ITPRIP: variants seen among roughly 807,000 people sequenced by gnomAD.
ITPRIP encodes the protein inositol 1,4,5-trisphosphate receptor interacting protein.
ITPRIP carries 32 observed loss-of-function variants against 35.8 expected under a neutral mutation model. That is an observed-to-expected ratio of 0.89 (90% CI 0.68 to 1.20). ITPRIP has a LOEUF of 1.20. ITPRIP is among the 50% of genes most tolerant of loss of function. The probability of loss-of-function intolerance (pLI) is 0.00; values close to 1 mark genes in which losing one functional copy is unlikely to be tolerated. For missense variants in ITPRIP, 653 were observed against 735.6 expected (o/e 0.89, Z 1.30); for synonymous variants, 358 against 324.0 (o/e 1.11, Z -1.13).
chr10:104,315,725 C>T lies in ITPRIP; in HGVS notation c.327G>A (p.Glu109=). 6.2e-7 allele frequency: 1 copy of T among 1,613,752 alleles called. No individual in the cohort carries two copies. The highest frequency in any genetic ancestry group is 8.5e-7 in the Non-Finnish European group (1 of 1,180,002). ...CGCCCAGGCACTCAGGTGAGGGCCC[C>T]TCCTGGTGGTCCTGCCGCCACACCT... ...MIEVWRQDHQ[E]GPSPECLGGE... is the part of the protein sequence containing the mutation. Residue 109 remains glutamate, a synonymous_variant, in exon 2 of 2, where the codon GAG becomes GAA. Coordinates refer to ENST00000337478, the MANE Select transcript of ITPRIP (RefSeq NM_001272013.2). This position sits in a 1 kb window ranked among gnomAD's most constrained non-coding sequence, Gnocchi z 5.7.
intron 1 of ITPRIP, among the ~76,000 whole-genome samples, chr10:104,316,445 T>C (rs796593118): frequency 5.3e-5 from 8 of 152,248 alleles, no homozygotes; most frequent in East Asian, 1.9e-4. Flanking sequence ...GCTAGAGCGA[T>C]TGGTTCTGGG....
chr10:104,321,759 G>A lies in ITPRIP; in HGVS notation c.-13-5695C>T, dbSNP rs1459863002. Among the ~76,000 whole-genome samples, 3 of 140,204 alleles carry A rather than the reference G, an allele frequency of 2.1e-5. No homozygotes were observed. In the Admixed American group the frequency reaches 2.2e-4, roughly 10 times the overall value. 92.0% of individuals were successfully genotyped at this position (140,204 alleles called of 152,430 possible). ...TTTCTAAGAGGTGGGTGCCATCCCT[G>A]TTTTGCAGATGGGTTAACCAAAGTC... On this transcript the variant is annotated intron_variant, in intron 1 of 1. Transcript: ENST00000337478.
rs2013529192 is a variant in ITPRIP, at chr10:104,313,120, A to T, written c.*1288T>A. 6 of 985,362 alleles carry T rather than the reference A, an allele frequency of 6.1e-6. No homozygotes were observed. Among genetic ancestry groups the T allele is most frequent in the Non-Finnish European group, 7.2e-6 (6 of 830,004 alleles). The allele number at this position is 985,362 out of a possible 1,614,324, so 61.0% of individuals were successfully genotyped here. ...CTGTGCAGTGAGGGAGCCCCGCTGG[A>T]GTGAGGAACTAGGGGCTCAGAGCCT... On this transcript the variant is annotated 3_prime_UTR_variant, in exon 2 of 2. Coordinates refer to ENST00000337478, the MANE Select transcript of ITPRIP (RefSeq NM_001272013.2).
intron 1 of ITPRIP, among the ~76,000 whole-genome samples, chr10:104,331,392 C>T (rs1310790423): frequency 2.0e-5 from 3 of 152,244 alleles, no homozygotes; most frequent in African/African-American, 7.2e-5. Flanking sequence ...AGCCGGCTCC[C>T]ATGAGAACAG....
intron 1 of ITPRIP, among the ~76,000 whole-genome samples, chr10:104,335,529 C>T (rs747661855): frequency 2.6e-5 from 4 of 152,172 alleles, no homozygotes; most frequent in Admixed American, 1.3e-4. Flanking sequence ...CACCTCACAC[C>T]GCCCAGAGAT....
At chr10:104,319,378 G>C (rs963307989) in intron 1 of ITPRIP, among the ~76,000 whole-genome samples, 3 of 152,288 alleles carry the variant, frequency 2.0e-5, no homozygotes, top group Middle Eastern at 3.4e-3. Context: ...GGCATGGGGA[G>C]TAAACACACG....
Position 104,314,853 on chromosome 10 carries a change from G to C in ITPRIP, c.1199C>G (p.Pro400Arg). 1 of 1,613,796 alleles carries C rather than the reference G, an allele frequency of 6.2e-7. No homozygotes were observed. Among genetic ancestry groups the C allele is most frequent in the Non-Finnish European group, 8.5e-7 (1 of 1,180,036 alleles). ...HFLRTTLKALPEGACHLSCLQ... is the reference protein window; with the variant it reads ...HFLRTTLKALREGACHLSCLQ... ...GCAGCTGAGGTGGCAGGCGCCCTCG[G>C]GCAGTGCCTTTAGTGTCGTCCTGAG... Residue 400 changes from proline (P) to arginine (R), a missense_variant, in exon 2 of 2, where the codon CCC (proline) becomes CGC (arginine). Transcript: ENST00000337478.
intron 1 of ITPRIP, among the ~76,000 whole-genome samples, chr10:104,329,143 T>C (rs1180576165): frequency 6.6e-6 from 1 of 151,734 alleles, no homozygotes; most frequent in East Asian, 1.9e-4. Context: ...AGGGGAACAG[T>C]AACAGACACA....
chr10:104,335,321 T>C (rs896476531), intron 1 of ITPRIP, among the ~76,000 whole-genome samples: 2 of 152,134 alleles, frequency 1.3e-5, no homozygotes, highest in African/African-American at 4.8e-5. Context: ...CATTTGTGGG[T>C]GAATGGGACT....
At position 104,333,930 on chromosome 10, in the gene ITPRIP, CA is replaced by C. The variant is rs1214449728; in HGVS notation, c.-14+4315del. The stretch of plus-strand genomic sequence containing the variant: ...CACTGGCCAGGTTTCCAGTCTGCGC[CA>C]GGCACGGTGCTCAGAGCCTTCTGTG... On this transcript the variant is annotated intron_variant, in intron 1 of 1. Transcript: ENST00000337478. This position sits in a 1 kb window ranked among gnomAD's most constrained non-coding sequence, Gnocchi z 4.1. The C allele has an allele frequency of 6.6e-6, 1 of 152,224 alleles. No individual in the cohort carries two copies. Among genetic ancestry groups the C allele is most frequent in the East Asian group, 1.9e-4 (1 of 5,186 alleles). The allele number at this position is 152,224 out of a possible 1,614,324, so 9.4% of individuals were successfully genotyped here. A position where few individuals can be genotyped will look rare whatever the true frequency, so the allele number is the denominator to read the frequency against.
chr10:104,335,832 G>T (rs1031020692), intron 1 of ITPRIP, among the ~76,000 whole-genome samples: 3 of 152,002 alleles, frequency 2.0e-5, no homozygotes, highest in Non-Finnish European at 1.5e-5. Flanking sequence ...TAACATCCCT[G>T]TGCCTCAGTT....
At chr10:104,323,579 T>C (rs1376190282) in intron 1 of ITPRIP, 3 of 152,284 alleles carry the variant, frequency 2.0e-5, no homozygotes, top group Non-Finnish European at 2.9e-5. Flanking sequence ...AGGTTGGCTG[T>C]CTCCCGAGCT....
At position 104,313,430 on chromosome 10, in the gene ITPRIP, C is replaced by G. The variant is rs1426270198; in HGVS notation, c.*978G>C. 1 of 985,932 alleles carries G rather than the reference C, an allele frequency of 1.0e-6. No individual in the cohort carries two copies. Among genetic ancestry groups the G allele is most frequent in the Non-Finnish European group, 1.2e-6 (1 of 830,130 alleles). The allele number at this position is 985,932 out of a possible 1,614,324, so 61.1% of individuals were successfully genotyped here. A position where few individuals can be genotyped will look rare whatever the true frequency, so the allele number is the denominator to read the frequency against. ...GCACAGCCTCTGGGAGTGCCATGGC[C>G]TCAGGTGCCTTGTGGTTGCCAATGA... On this transcript the variant is annotated 3_prime_UTR_variant, in exon 2 of 2. Coordinates refer to ENST00000337478, the MANE Select transcript of ITPRIP (RefSeq NM_001272013.2).
intron 1 of ITPRIP, 104 bp from the exon 2 acceptor site, chr10:104,316,168 T>C: frequency 1.0e-6 from 1 of 991,518 alleles, no homozygotes; most frequent in East Asian, 2.7e-5. Context: ...AAGGTCTTAG[T>C]TCTCCCACCC....
rs567407779 is a variant in ITPRIP at position 104,312,007 on chromosome 10, G to T, written c.*2401C>A. 8 of 152,122 alleles carry T rather than the reference G, an allele frequency of 5.3e-5. No homozygotes were observed. Among genetic ancestry groups the T allele is most frequent in the Admixed American group, 4.6e-4 (7 of 15,276 alleles). The allele number at this position is 152,122 out of a possible 1,614,324, so 9.4% of individuals were successfully genotyped here. On this transcript the variant is annotated 3_prime_UTR_variant, in exon 2 of 2. Transcript: ENST00000337478. ...GTTTTGTTATTTTTTAAAGTCTCCT[G>T]AAAGTGTAAGAATAAAAAGGGAGTG...
At chr10:104,330,537 T>A (rs1350670825) in intron 1 of ITPRIP, among the ~76,000 whole-genome samples, 1 of 152,306 alleles carries the variant, frequency 6.6e-6, no homozygotes, top group African/African-American at 2.4e-5. Context: ...TGCCTTGCCG[T>A]GGACACCTCC....
chr10:104,313,696 CTGAG>C lies in ITPRIP; in HGVS notation c.*708_*711del. 1.0e-6 allele frequency: 1 copy of C among 985,328 alleles called. No individual in the cohort carries two copies. Among genetic ancestry groups the C allele is most frequent in the Non-Finnish European group, 1.2e-6 (1 of 829,896 alleles). The allele number at this position is 985,328 out of a possible 1,614,324, so 61.0% of individuals were successfully genotyped here. A position where few individuals can be genotyped will look rare whatever the true frequency, so the allele number is the denominator to read the frequency against. On this transcript the variant is annotated 3_prime_UTR_variant, in exon 2 of 2. Transcript: ENST00000337478. ...GAAAGGACAGCAGAAGGGGGTGCAC[CTGAG>C]TGAGAAGTGTAGGGTGCAGCTGAGT...
rs1279386860 is a variant in ITPRIP, at chr10:104,314,646, A to G, written c.1406T>C (p.Leu469Ser). 1 of 1,613,934 alleles carries G rather than the reference A, an allele frequency of 6.2e-7. No individual in the cohort carries two copies. Among genetic ancestry groups the G allele is most frequent in the Non-Finnish European group, 8.5e-7 (1 of 1,180,002 alleles). Residue 469 changes from leucine to serine, a missense_variant, in exon 2 of 2, where the codon TTG (leucine) becomes TCG (serine). Coordinates refer to ENST00000337478, the MANE Select transcript of ITPRIP (RefSeq NM_001272013.2). ...HELLCFLEKS[L>S]LQKKLHHFFI... ...GAAGTGGTGGAGCTTCTTCTGGAGCAAGCTCTTCTCCAGGAAGCACAGCAA... is the reference window on the plus strand; with the variant it reads ...GAAGTGGTGGAGCTTCTTCTGGAGCGAGCTCTTCTCCAGGAAGCACAGCAA...
chr10:104,331,380 GA>G (rs1239794609), intron 1 of ITPRIP, among the ~76,000 whole-genome samples: 2 of 152,224 alleles, frequency 1.3e-5, no homozygotes, highest in African/African-American at 2.4e-5. Flanking sequence ...AGAGGCTATT[GA>G]AGCCGGCTCC....
Sources: gnomAD v4.1 joint callset for allele counts (sites outside exome capture counted in the v4.1 genomes callset) on GRCh38, gnomAD v4.1.1 for gene constraint, Gnocchi (gnomAD v3.1) non-coding constraint, MANE v1.5 for transcripts, NCBI Gene and HGNC (gene_info 2026-07-23, HGNC 2026-07-21) for gene names.